Variants in SDK1 observed in about 807,000 individuals in gnomAD.
SDK1 encodes protein sidekick-1.
In SDK1, 157 loss-of-function variants were observed where a neutral mutation model predicts 245.5. That is an observed-to-expected ratio of 0.64 (90% confidence interval 0.56 to 0.73). The LOEUF (loss-of-function observed/expected upper bound fraction) is 0.73. Ranked by LOEUF, SDK1 falls within the 30% of genes least tolerant of loss-of-function variation. SDK1 has a pLI of 0.00. For missense variants in SDK1, 3,583 were observed against 3,002.3 expected (o/e 1.19, Z -4.52); for synonymous variants, 1,647 against 1,278.5 (o/e 1.29, Z -6.15).
At chr7:3,864,107 G>A (rs1780763819) in intron 5 of SDK1, among the ~76,000 whole-genome samples, 1 of 150,004 alleles carries the variant, frequency 6.7e-6, no homozygotes, top group South Asian at 2.1e-4. Context: ...TCTGTTTTTT[G>A]TTTTTGTTTT....
At chr7:4,175,081 C>A (rs1782108829) in intron 33 of SDK1, among the ~76,000 whole-genome samples, 1 of 147,734 alleles carries the variant, frequency 6.8e-6, no homozygotes, top group African/African-American at 2.7e-5. Flanking sequence ...GGCTGCCTAC[C>A]TCACGCGCCA....
At chr7:3,595,854 A>AAAC (rs1233128907) in intron 1 of SDK1, among the ~76,000 whole-genome samples, 42 of 143,810 alleles carry the variant, frequency 2.9e-4, no homozygotes, top group Non-Finnish European at 4.7e-4. Flanking sequence ...AAAAAAAAAA[A>AAAC]AACAACAACA....
chr7:3,773,746 T>G (rs914987899), intron 4 of SDK1, among the ~76,000 whole-genome samples: 1 of 152,198 alleles, frequency 6.6e-6, no homozygotes, highest in African/African-American at 2.4e-5. Flanking sequence ...GTGCCATGGA[T>G]CAGCCTAAGG....
Position 3,910,317 on chromosome 7 carries a change from T to G in SDK1, c.848-40606T>G, listed in dbSNP as rs186388870. 3.0e-3 allele frequency among the ~76,000 whole-genome samples: 455 copies of G among 152,322 alleles called. 5 individuals carry two copies. The South Asian group carries it at 0.034, about 11-fold the overall frequency. On this transcript the variant is annotated intron_variant, in intron 5 of 44. Transcript: ENST00000404826. ...CAGCACAATACTCTGTTCAAAATTG[T>G]CTCTTGTCAGGCACATTCTTCAAAC...
chr7:4,231,240 C>T (rs1329384921), intron 40 of SDK1, among the ~76,000 whole-genome samples: 4 of 152,078 alleles, frequency 2.6e-5, no homozygotes, highest in Non-Finnish European at 2.9e-5. Context: ...TGATGAGTGT[C>T]TTGGTGAGAA....
At chr7:3,454,406 G>GTGTGTGTGTGTGTC (rs1420183134) in intron 1 of SDK1, among the ~76,000 whole-genome samples, 1 of 149,972 alleles carries the variant, frequency 6.7e-6, no homozygotes, top group Non-Finnish European at 1.5e-5. Flanking sequence ...GTGTGTGTGT[G>GTGTGTGTGTGTGTC]TGTGTGTGTG....
At chr7:3,434,812 G>A (rs1409693748) in intron 1 of SDK1, among the ~76,000 whole-genome samples, 2 of 151,950 alleles carry the variant, frequency 1.3e-5, no homozygotes, top group Non-Finnish European at 2.9e-5. Flanking sequence ...TCATGGGGGG[G>A]GACAGAGCAC....
chr7:4,060,179 C>T (rs1779446929), intron 19 of SDK1, among the ~76,000 whole-genome samples: 1 of 152,128 alleles, frequency 6.6e-6, no homozygotes, highest in Non-Finnish European at 1.5e-5. Flanking sequence ...CCACGCCCGG[C>T]CAGAAATTTC....
intron 5 of SDK1, among the ~76,000 whole-genome samples, chr7:3,888,335 C>G (rs1236139543): frequency 1.3e-5 from 2 of 152,138 alleles, no homozygotes; most frequent in Non-Finnish European, 2.9e-5. Flanking sequence ...GGCCCACAGC[C>G]TGGCCCACAG....
chr7:3,626,301 A>G (rs1269330024), intron 2 of SDK1, among the ~76,000 whole-genome samples: 1 of 152,210 alleles, frequency 6.6e-6, no homozygotes, highest in Non-Finnish European at 1.5e-5. Flanking sequence ...TGAACCCCTC[A>G]GTGTAACTTG....
At chr7:3,373,671 A>G (rs1298907481) in intron 1 of SDK1, among the ~76,000 whole-genome samples, 1 of 151,928 alleles carries the variant, frequency 6.6e-6, no homozygotes, top group Non-Finnish European at 1.5e-5. Context: ...TTTACTTGGC[A>G]CTAAAAAGTA....
At chr7:3,459,143 G>A (rs570108277) in intron 1 of SDK1, among the ~76,000 whole-genome samples, 33 of 152,228 alleles carry the variant, frequency 2.2e-4, no homozygotes, top group African/African-American at 7.9e-4. Context: ...TGATTTTTGT[G>A]TATTCTTTTT....
chr7:3,895,528 C>T (rs2128103451), intron 5 of SDK1, among the ~76,000 whole-genome samples: 2 of 152,300 alleles, frequency 1.3e-5, no homozygotes, highest in South Asian at 4.2e-4. Flanking sequence ...AAGCTGGAGA[C>T]AGTGTAGCCA....
At chr7:3,753,958 G>C (rs1423344321) in intron 4 of SDK1, among the ~76,000 whole-genome samples, 1 of 152,190 alleles carries the variant, frequency 6.6e-6, no homozygotes, top group Non-Finnish European at 1.5e-5. Context: ...TTAATGATTT[G>C]ATGAGGAAAA....
chr7:3,577,962 C>G (rs552931563), intron 1 of SDK1, among the ~76,000 whole-genome samples: 1 of 152,010 alleles, frequency 6.6e-6, no homozygotes, highest in Non-Finnish European at 1.5e-5. Flanking sequence ...GGAGCAAGAG[C>G]TGAGAGACTA....
chr7:3,321,156 T>C (rs910367355), intron 1 of SDK1, among the ~76,000 whole-genome samples: 6 of 152,146 alleles, frequency 3.9e-5, no homozygotes, highest in Non-Finnish European at 1.5e-5. Flanking sequence ...TGAAATAAAA[T>C]CTTTTTGAAA....
At chr7:3,859,545 T>C (rs887571025) in intron 5 of SDK1, among the ~76,000 whole-genome samples, 1 of 152,180 alleles carries the variant, frequency 6.6e-6, no homozygotes, top group Non-Finnish European at 1.5e-5. Flanking sequence ...ATTCTCAGCA[T>C]TGGCTTCATC....
At chr7:4,175,273 C>G (rs1007683688) in intron 33 of SDK1, among the ~76,000 whole-genome samples, 2 of 152,220 alleles carry the variant, frequency 1.3e-5, no homozygotes, top group Non-Finnish European at 2.9e-5. Context: ...CCTTGCTGAC[C>G]ACCAGACAGT....
intron 4 of SDK1, among the ~76,000 whole-genome samples, chr7:3,787,903 AGT>A (rs2115019547): frequency 6.6e-6 from 1 of 152,350 alleles, no homozygotes; most frequent in Admixed American, 6.5e-5. Context: ...TATGGCTGTC[AGT>A]GTCACATGCG....
Sources: gnomAD v4.1 joint callset for allele counts (sites outside exome capture counted in the v4.1 genomes callset) on GRCh38, gnomAD v4.1.1 for gene constraint, MANE v1.5 for transcripts, NCBI Gene and HGNC (gene_info 2026-07-23, HGNC 2026-07-21) for gene names.